MTNR1B: variants seen among roughly 807,000 people sequenced by gnomAD.
The protein encoded by MTNR1B is melatonin receptor 1B.
In MTNR1B, 7 loss-of-function variants were observed where a neutral mutation model predicts 7.0. The observed-to-expected ratio is 1.00, with a 90% CI of 0.57 to 1.88. MTNR1B has a LOEUF of 1.88. Among genes scored for constraint, MTNR1B ranks in the 40% most tolerant of loss-of-function variants. The probability of loss-of-function intolerance (pLI) is 0.00; values close to 1 mark genes in which losing one functional copy is unlikely to be tolerated. For synonymous variants in MTNR1B, 226 were observed against 208.2 expected (o/e 1.09, Z -0.74); for missense variants, 478 against 486.5 (o/e 0.98, Z 0.16).
At chr11:92,975,733 T>C (rs1858001012) in intron 1 of MTNR1B, among the ~76,000 whole-genome samples, 1 of 152,192 alleles carries the variant, frequency 6.6e-6, no homozygotes, top group Admixed American at 6.5e-5. Flanking sequence ...GAACAAAGGC[T>C]CTGGAAGGCC....
chr11:92,977,411 C>T (rs1432301809), intron 1 of MTNR1B, among the ~76,000 whole-genome samples: 5 of 152,166 alleles, frequency 3.3e-5, no homozygotes, highest in African/African-American at 1.2e-4. Context: ...TTTCAAATGC[C>T]CATCCCCAGA....
chr11:92,974,759 C>T (rs190445906), intron 1 of MTNR1B, among the ~76,000 whole-genome samples: 492 of 152,266 alleles, frequency 3.2e-3, no homozygotes, highest in Non-Finnish European at 4.9e-3. Context: ...ACCGCCACCT[C>T]GCCCGGCTAA....
intron 1 of MTNR1B, among the ~76,000 whole-genome samples, chr11:92,978,486 C>T (rs143275649): frequency 1.6e-4 from 24 of 152,288 alleles, no homozygotes; most frequent in Admixed American, 5.2e-4. Context: ...ATTATGCACA[C>T]GGTGACTGCA....
At chr11:92,978,195 T>G (rs902110612) in intron 1 of MTNR1B, among the ~76,000 whole-genome samples, 6 of 152,218 alleles carry the variant, frequency 3.9e-5, no homozygotes, top group Admixed American at 2.0e-4. Flanking sequence ...AGAATTCTCC[T>G]ATCTGACGAA....
intron 1 of MTNR1B, among the ~76,000 whole-genome samples, chr11:92,975,039 T>TG: frequency 6.6e-6 from 1 of 152,206 alleles, no homozygotes. Flanking sequence ...TGCCCGGCCT[T>TG]GGGTATGTCT....
downstream of MTNR1B, chr11:92,984,785 G>T (rs968173916): frequency 2.3e-6 from 1 of 431,338 alleles, no homozygotes; most frequent in Non-Finnish European, 4.6e-6. Context: ...CCACTAATTG[G>T]AATTTTTTCT....
downstream of MTNR1B, among the ~76,000 whole-genome samples, chr11:92,984,231 G>A (rs1456225146): frequency 1.3e-5 from 2 of 152,286 alleles, no homozygotes; most frequent in East Asian, 3.9e-4. Context: ...TGGGTGCTGT[G>A]CTTAGTCCCC....
At chr11:92,976,462 TA>T (rs1858010244) in intron 1 of MTNR1B, among the ~76,000 whole-genome samples, 1 of 152,220 alleles carries the variant, frequency 6.6e-6, no homozygotes, top group South Asian at 2.1e-4. Flanking sequence ...TAATAGCTAA[TA>T]TTACTAGTGC....
chr11:92,981,469 G>A lies in MTNR1B; in HGVS notation c.246G>A (p.Leu82=). The A allele has an allele frequency of 3.1e-6, 5 of 1,613,848 alleles. No individual in the cohort carries two copies. The highest frequency in any genetic ancestry group is 1.7e-5 in the Admixed American group (1 of 60,020). The change falls in exon 2 of 2, where the codon CTG becomes CTA. Residue 82 remains leucine, a synonymous_variant. Coordinates refer to ENST00000257068, the MANE Select transcript of MTNR1B (RefSeq NM_005959.5). ...RNAGNLFLVS[L]ALADLVVAFY... The stretch of plus-strand genomic sequence containing the variant: ...CAGGTAATTTGTTCTTGGTGAGTCT[G>A]GCATTGGCTGACCTGGTGGTGGCCT...
chr11:92,976,866 G>A (rs1323124964), intron 1 of MTNR1B, among the ~76,000 whole-genome samples: 2 of 152,150 alleles, frequency 1.3e-5, no homozygotes, highest in Non-Finnish European at 2.9e-5. Flanking sequence ...CAAACTGGGT[G>A]TCTGTTTCTT....
In MTNR1B at chr11:92,982,233, C is replaced by A; in HGVS notation, c.1010C>A (p.Ser337Tyr). The A allele has an allele frequency of 6.2e-7, 1 of 1,614,222 alleles. No homozygotes were observed. The highest frequency in any genetic ancestry group is 8.5e-7 in the Non-Finnish European group (1 of 1,180,038). The stretch of plus-strand genomic sequence containing the variant: ...CCACGGCACTGCATTCAAGATGCTT[C>A]CAAGGGCAGCCACGCGGAGGGGCTG... ...WNPRHCIQDA[S>Y]KGSHAEGLQS... The change falls in exon 2 of 2, where the codon TCC becomes TAC. Residue 337 changes from serine (S) to tyrosine (Y), a missense_variant. By Grantham distance (144) the Ser-to-Tyr change is moderately radical. Transcript: ENST00000257068.
chr11:92,981,871 G>C lies in MTNR1B; in HGVS notation c.648G>C (p.Val216=). The change falls in exon 2 of 2, where the codon GTG becomes GTC. Residue 216 remains valine (V), a synonymous_variant. Transcript: ENST00000257068. ...ACTTCCTCCTCCCTATCGCTGTCGT[G>C]TCCTTCTGCTACCTGCGCATCTGGG... ...VIHFLLPIAV[V]SFCYLRIWVL... is the part of the protein sequence containing the mutation. 1 of 1,614,170 alleles carries C rather than the reference G, an allele frequency of 6.2e-7. No individual in the cohort carries two copies. Among genetic ancestry groups the C allele is most frequent in the Non-Finnish European group, 8.5e-7 (1 of 1,180,022 alleles).
intron 1 of MTNR1B, among the ~76,000 whole-genome samples, chr11:92,976,274 T>C (rs1404475480): frequency 6.6e-6 from 1 of 152,098 alleles, no homozygotes; most frequent in African/African-American, 2.4e-5. Context: ...AGATAGAGAA[T>C]TGGGAAGTAA....
chr11:92,978,720 T>C (rs1241184653), intron 1 of MTNR1B, among the ~76,000 whole-genome samples: 1 of 152,216 alleles, frequency 6.6e-6, no homozygotes, highest in African/African-American at 2.4e-5. Context: ...TTCAGCCTTT[T>C]AGGAACAGCC....
chr11:92,984,654 C>T (rs1306530257), downstream of MTNR1B, among the ~76,000 whole-genome samples: 2 of 152,190 alleles, frequency 1.3e-5, no homozygotes, highest in Non-Finnish European at 2.9e-5. Context: ...TCTCCTTATC[C>T]CTATCTTTCA....
Position 92,981,442 on chromosome 11 carries a change from T to C in MTNR1B, c.224-5T>C. The C allele has an allele frequency of 6.2e-7, 1 of 1,609,814 alleles. No individual in the cohort carries two copies. Among genetic ancestry groups the C allele is most frequent in the Middle Eastern group, 1.7e-4 (1 of 6,034 alleles). On this transcript the variant is annotated splice_polypyrimidine_tract_variant and splice_region_variant and intron_variant, in intron 1 of 1. Coordinates refer to ENST00000257068, the MANE Select transcript of MTNR1B (RefSeq NM_005959.5). ...TGCTGACTGTTGCTCTGTTTGCTGCTTCAGGTAATTTGTTCTTGGTGAGTC... is the reference window on the plus strand; with the variant it reads ...TGCTGACTGTTGCTCTGTTTGCTGCCTCAGGTAATTTGTTCTTGGTGAGTC...
intron 1 of MTNR1B, among the ~76,000 whole-genome samples, chr11:92,971,268 G>A: frequency 6.6e-6 from 1 of 152,000 alleles, no homozygotes; most frequent in East Asian, 1.9e-4. Context: ...GCCAACTCTA[G>A]GATTTTTAGC....
At chr11:92,976,289 C>T (rs1316243838) in intron 1 of MTNR1B, among the ~76,000 whole-genome samples, 1 of 152,102 alleles carries the variant, frequency 6.6e-6, no homozygotes, top group African/African-American at 2.4e-5. Context: ...AAGTAAAGCC[C>T]CAGTTCTTAG....
At position 92,981,675 on chromosome 11, in the gene MTNR1B, T is replaced by C. The variant is rs201423081; in HGVS notation, c.452T>C (p.Ile151Thr). 5 of 1,614,216 alleles carry C rather than the reference T, an allele frequency of 3.1e-6. No individual in the cohort carries two copies. Among genetic ancestry groups the C allele is most frequent in the Non-Finnish European group, 4.2e-6 (5 of 1,180,036 alleles). Reference sequence around the variant, plus strand: ...TGCCACAGCATGGCCTACCACCGAATCTACCGGCGCTGGCACACCCCTCTG... The same window carrying C: ...TGCCACAGCATGGCCTACCACCGAACCTACCGGCGCTGGCACACCCCTCTG... Reference protein sequence around the residue: ...YICHSMAYHRIYRRWHTPLHI... With the variant: ...YICHSMAYHRTYRRWHTPLHI... The change falls in exon 2 of 2, where the codon ATC becomes ACC. Residue 151 changes from isoleucine (I) to threonine (T), a missense_variant. By Grantham distance (89) the Ile-to-Thr change is moderately conservative (BLOSUM62 -1). Coordinates refer to ENST00000257068, the MANE Select transcript of MTNR1B (RefSeq NM_005959.5).
Sources: allele counts gnomAD v4.1 joint callset (sites outside exome capture counted in the v4.1 genomes callset), GRCh38; gene constraint gnomAD v4.1.1; transcripts MANE v1.5; gene names NCBI Gene and HGNC (gene_info 2026-07-23, HGNC 2026-07-21).